The following CDH3 variants were observed in gnomAD, a reference collection of about 807,000 sequenced individuals.
CDH3 encodes cadherin-3.
In CDH3, 54 loss-of-function variants were observed where a neutral mutation model predicts 82.0. The observed-to-expected ratio is 0.66, with a 90% CI of 0.53 to 0.83. CDH3 has a LOEUF of 0.83. CDH3 is among the 40% of genes least tolerant of loss of function. The pLI, the probability that CDH3 is intolerant of heterozygous loss-of-function variation, is 0.00. For synonymous variants in CDH3, 446 were observed against 437.9 expected (o/e 1.02, Z -0.23); for missense variants, 1,054 against 1,084.6 (o/e 0.97, Z 0.40).
chr16:68,711,234 C>T (rs1248860887), intron 1 of CDH3, among the ~76,000 whole-genome samples: 3 of 151,500 alleles, frequency 2.0e-5, no homozygotes, highest in African/African-American at 4.9e-5. Flanking sequence ...CGCTTGAACC[C>T]AGAAGGCGGA....
Position 68,684,694 on chromosome 16 carries a change from G to A in CDH3, c.1294G>A (p.Glu432Lys), listed in dbSNP as rs780507248. 1 of 1,614,228 alleles carries A rather than the reference G, an allele frequency of 6.2e-7. No homozygotes were observed. ...TSTATIVVHV[E>K]DVNEAPVFVP... ...CACAGCCACCATAGTGGTCCACGTG[G>A]AGGATGTGAATGAGGCACCTGTGTT... is the stretch of plus-strand genomic sequence containing the variant. The change falls in exon 10 of 16, where the codon GAG becomes AAG. Residue 432 changes from glutamate (E) to lysine (K), a missense_variant. Coordinates refer to ENST00000264012, the MANE Select transcript of CDH3 (RefSeq NM_001793.6).
At chr16:68,663,333 C>G (rs976753370) in intron 2 of CDH3, among the ~76,000 whole-genome samples, 2 of 151,594 alleles carry the variant, frequency 1.3e-5, no homozygotes, top group African/African-American at 4.8e-5. Context: ...CGGGTTCACG[C>G]CATTCTCCTG....
At chr16:68,657,720 C>A (rs150340668) in intron 2 of CDH3, among the ~76,000 whole-genome samples, 40 of 152,304 alleles carry the variant, frequency 2.6e-4, no homozygotes, top group Non-Finnish European at 4.6e-4. Flanking sequence ...CCCTAGGACT[C>A]TGAGGCATCT....
At chr16:68,652,649 A>T (rs1597790238) in intron 2 of CDH3, among the ~76,000 whole-genome samples, 3 of 152,224 alleles carry the variant, frequency 2.0e-5, no homozygotes, top group Admixed American at 2.0e-4. Flanking sequence ...GCAAACTTAA[A>T]ACCCCTGTGT....
chr16:68,663,398 CT>C lies in CDH3; in HGVS notation c.161-12978del, dbSNP rs796803299. Among the ~76,000 whole-genome samples, 1,146 of 150,376 alleles carry C rather than the reference CT, an allele frequency of 7.6e-3. 16 individuals are homozygous for C. Among genetic ancestry groups the C allele is most frequent in the African/African-American group, 0.027 (1,089 of 40,978 alleles). On this transcript the variant is annotated intron_variant, in intron 2 of 15. Coordinates refer to ENST00000264012, the MANE Select transcript of CDH3 (RefSeq NM_001793.6). The stretch of plus-strand genomic sequence containing the variant: ...GATGCCCGCCATGATGCCCGGCTAA[CT>C]TTTTTTTTGTATTTTTAGTAGAGAC...
At chr16:68,691,272 G>A (rs531369683) in intron 12 of CDH3, among the ~76,000 whole-genome samples, 16 of 152,082 alleles carry the variant, frequency 1.1e-4, no homozygotes, top group East Asian at 1.9e-4. Flanking sequence ...TCAAAGTGCC[G>A]GGATTGCAGG....
chr16:68,669,763 G>A lies in CDH3; in HGVS notation c.161-6622G>A, dbSNP rs114291937. 4.6e-3 allele frequency among the ~76,000 whole-genome samples: 694 copies of A among 152,204 alleles called. 10 individuals carry two copies. Among genetic ancestry groups the A allele is most frequent in the African/African-American group, 0.016 (646 of 41,526 alleles). Reference sequence around the variant, plus strand: ...CTCTCCTTAAAGGAAATAATTGACAGAATTGTCTGGTTAGCCCTTTACTGG... The same window carrying A: ...CTCTCCTTAAAGGAAATAATTGACAAAATTGTCTGGTTAGCCCTTTACTGG... On this transcript the variant is annotated intron_variant, in intron 2 of 15. Transcript: ENST00000264012.
At chr16:68,675,084 G>C in intron 2 of CDH3, among the ~76,000 whole-genome samples, 1 of 151,982 alleles carries the variant, frequency 6.6e-6, no homozygotes, top group East Asian at 1.9e-4. Flanking sequence ...CTGCACTCCA[G>C]CCTGGGTGAC....
At chr16:68,659,074 C>G (rs1455801190) in intron 2 of CDH3, among the ~76,000 whole-genome samples, 1 of 152,138 alleles carries the variant, frequency 6.6e-6, no homozygotes, top group Non-Finnish European at 1.5e-5. Flanking sequence ...TATGCATCAG[C>G]TCATTTAATC....
chr16:68,698,053 G>C, intron 15 of CDH3, 138 bp from the exon 16 acceptor site: 1 of 802,408 alleles, frequency 1.2e-6, no homozygotes, highest in East Asian at 2.7e-5. Flanking sequence ...AATTCTGCAT[G>C]AATAACGCAT....
At chr16:68,670,244 A>G (rs111619126) in intron 2 of CDH3, among the ~76,000 whole-genome samples, 1,415 of 138,234 alleles carry the variant, frequency 0.01, 16 homozygotes, top group South Asian at 0.069. Context: ...AAAAAAAAAA[A>G]GAACATCATT....
intron 2 of CDH3, among the ~76,000 whole-genome samples, chr16:68,649,851 T>C (rs1188797088): frequency 6.6e-6 from 1 of 152,044 alleles, no homozygotes; most frequent in Non-Finnish European, 1.5e-5. Context: ...CTGGCCAACA[T>C]GGCGAAATCC....
At chr16:68,684,867 G>T in intron 10 of CDH3, 43 bp downstream of exon 10, 3 of 1,612,868 alleles carry the variant, frequency 1.9e-6, no homozygotes, top group Non-Finnish European at 2.5e-6. Flanking sequence ...TACTGGTACA[G>T]TTGGTGGGTG....
At chr16:68,729,408 C>T (rs1962260554), downstream of CDH3, among the ~76,000 whole-genome samples, 1 of 152,120 alleles carries the variant, frequency 6.6e-6, no homozygotes, top group African/African-American at 2.4e-5. Flanking sequence ...TCTGGAATTA[C>T]ATCAAAATAG....
intron 2 of CDH3, among the ~76,000 whole-genome samples, chr16:68,659,593 A>G (rs970940667): frequency 1.0e-4 from 15 of 149,888 alleles, no homozygotes; most frequent in Non-Finnish European, 1.8e-4. Flanking sequence ...AAAAAAAAAA[A>G]GGATCTTTTG....
At chr16:68,733,658 CTTGAACCTGGGAGG>C in the CDH3 span, among the ~76,000 whole-genome samples, 1 of 152,214 alleles carries the variant, frequency 6.6e-6, no homozygotes. Context: ...ACAAGAATCT[CTTGAACCTGGGAGG>C]CAGAGAGTGC....
In CDH3 at chr16:68,700,262, CTGA is replaced by C. The variant is rs1454295648; in HGVS notation, c.*1865_*1867del. The C allele has an allele frequency of 1.3e-5, 2 of 152,224 alleles. No individual in the cohort carries two copies. The highest frequency in any genetic ancestry group is 6.5e-5 in the Admixed American group (1 of 15,282). The allele number at this position is 152,224 out of a possible 1,614,324, so 9.4% of individuals were successfully genotyped here. The stretch of plus-strand genomic sequence containing the variant: ...ATCTGAAGTGAAGCTGAGGAAATTG[CTGA>C]TGTTGAAATAAACATTTCCTTCCAT... On this transcript the variant is annotated 3_prime_UTR_variant, in exon 16 of 16. Coordinates refer to ENST00000264012, the MANE Select transcript of CDH3 (RefSeq NM_001793.6).
downstream of CDH3, among the ~76,000 whole-genome samples, chr16:68,727,481 G>A (rs941798796): frequency 3.9e-5 from 6 of 152,026 alleles, no homozygotes; most frequent in Non-Finnish European, 8.8e-5. Context: ...ACTTCTCTGT[G>A]AGTCTCTGCT....
At chr16:68,675,854 T>C (rs923119015) in intron 2 of CDH3, among the ~76,000 whole-genome samples, 3 of 151,658 alleles carry the variant, frequency 2.0e-5, no homozygotes, top group African/African-American at 7.3e-5. Context: ...GTATCATAGT[T>C]ATAGGGATGA....
Sources: gnomAD v4.1 joint callset for allele counts (sites outside exome capture counted in the v4.1 genomes callset) on GRCh38, gnomAD v4.1.1 for gene constraint, MANE v1.5 for transcripts, NCBI Gene and HGNC (gene_info 2026-07-23, HGNC 2026-07-21) for gene names.